Variants in GALNT13 observed in about 807,000 individuals in gnomAD.
The protein encoded by GALNT13 is UDP-GalNAc:polypeptide N-acetylgalactosaminyltransferase 13.
Under a neutral mutation model 64.2 loss-of-function variants are expected in GALNT13, and 28 were observed. The ratio of observed to expected loss-of-function variants is 0.44; its 90% CI spans 0.32 to 0.60. GALNT13 has a LOEUF of 0.60. Ranked by LOEUF, GALNT13 falls within the 20% of genes least tolerant of loss-of-function variation. GALNT13 has a pLI of 0.05. For synonymous variants in GALNT13, 214 were observed against 224.6 expected, an observed-to-expected ratio of 0.95 and a Z score of 0.42; for missense variants, 577 against 669.8, an observed-to-expected ratio of 0.86 and a Z score of 1.53.
chr2:154,428,517 A>T (rs1324625787), intron 11 of GALNT13, among the ~76,000 whole-genome samples: 1 of 152,236 alleles, frequency 6.6e-6, no homozygotes, highest in Non-Finnish European at 1.5e-5. Context: ...ACCTTAATAA[A>T]AATAAAACAA....
intron 3 of GALNT13, among the ~76,000 whole-genome samples, chr2:154,080,943 GT>G (rs1296161223): frequency 6.6e-6 from 1 of 151,402 alleles, no homozygotes; most frequent in African/African-American, 2.4e-5. Context: ...TTAAAGTTTA[GT>G]TTTTTGTGTT....
At chr2:153,354,746 T>C in the GALNT13 span, among the ~76,000 whole-genome samples, 2 of 152,150 alleles carry the variant, frequency 1.3e-5, no homozygotes, top group Non-Finnish European at 2.9e-5. Context: ...GTAAACCCAG[T>C]TAATCACTAA....
intron 3 of GALNT13, among the ~76,000 whole-genome samples, chr2:154,080,601 A>G (rs1985189): frequency 0.55 from 82,443 of 151,228 alleles, 23,537 homozygotes; most frequent in East Asian, 0.84. Context: ...TGATTTCTAA[A>G]TTGCCACCCT....
the GALNT13 span, among the ~76,000 whole-genome samples, chr2:153,309,097 A>C: frequency 6.6e-6 from 1 of 152,148 alleles, no homozygotes; most frequent in African/African-American, 2.4e-5. Context: ...ATCATCTCTA[A>C]ATAAAACTGA....
chr2:154,361,416 CA>C (rs1697061388), intron 9 of GALNT13, among the ~76,000 whole-genome samples: 1 of 152,004 alleles, frequency 6.6e-6, no homozygotes, highest in Non-Finnish European at 1.5e-5. Flanking sequence ...TTCTTTCAGC[CA>C]AAACCTTTTG....
At chr2:154,339,114 G>T (rs1330155984) in intron 9 of GALNT13, among the ~76,000 whole-genome samples, 1 of 152,060 alleles carries the variant, frequency 6.6e-6, no homozygotes, top group Non-Finnish European at 1.5e-5. Flanking sequence ...ATTCAATCAT[G>T]GGCAAAATCA....
chr2:153,347,678 G>C, the GALNT13 span, among the ~76,000 whole-genome samples: 1 of 152,132 alleles, frequency 6.6e-6, no homozygotes, highest in Non-Finnish European at 1.5e-5. Context: ...GGAAATAGGA[G>C]TCATACATGT....
At chr2:153,133,683 T>A in the GALNT13 span, among the ~76,000 whole-genome samples, 1 of 152,174 alleles carries the variant, frequency 6.6e-6, no homozygotes, top group African/African-American at 2.4e-5. Context: ...TTAATTGTTC[T>A]CTATAATTTA....
At chr2:153,909,675 A>T (rs145788866) in intron 2 of GALNT13, among the ~76,000 whole-genome samples, 1 of 152,128 alleles carries the variant, frequency 6.6e-6, no homozygotes, top group South Asian at 2.1e-4. Flanking sequence ...TTCAGCTTCT[A>T]TTGCAATAAA....
chr2:153,534,088 C>T, the GALNT13 span, among the ~76,000 whole-genome samples: 1 of 151,926 alleles, frequency 6.6e-6, no homozygotes, highest in Non-Finnish European at 1.5e-5. Context: ...TTGCATGCTG[C>T]CTACTTTATC....
At chr2:154,361,704 G>A (rs1055786825) in intron 9 of GALNT13, among the ~76,000 whole-genome samples, 1 of 152,034 alleles carries the variant, frequency 6.6e-6, no homozygotes, top group African/African-American at 2.4e-5. Flanking sequence ...ATTCCATACT[G>A]ATTAGTAAAA....
the GALNT13 span, among the ~76,000 whole-genome samples, chr2:153,165,236 G>T: frequency 2.0e-5 from 3 of 152,192 alleles, no homozygotes; most frequent in Admixed American, 2.0e-4. Context: ...TAAAACTGTG[G>T]TGAAAGATAA....
chr2:154,146,766 C>T (rs58769553), intron 4 of GALNT13, among the ~76,000 whole-genome samples: 1,910 of 151,808 alleles, frequency 0.013, 45 homozygotes, highest in African/African-American at 0.042. Flanking sequence ...CACTAAATAA[C>T]CTTTATTATC....
intron 9 of GALNT13, among the ~76,000 whole-genome samples, chr2:154,395,032 C>A (rs1698992209): frequency 6.6e-6 from 1 of 152,148 alleles, no homozygotes; most frequent in East Asian, 1.9e-4. Context: ...TTTTAGACAA[C>A]AATTGGCTGG....
chr2:153,846,800 G>A, the GALNT13 span, among the ~76,000 whole-genome samples: 2 of 152,064 alleles, frequency 1.3e-5, no homozygotes, highest in Admixed American at 1.3e-4. Context: ...AGGGTATGAA[G>A]GAAGACAATT....
chr2:153,557,510 C>T, the GALNT13 span, among the ~76,000 whole-genome samples: 1 of 152,188 alleles, frequency 6.6e-6, no homozygotes, highest in Non-Finnish European at 1.5e-5. Flanking sequence ...CTGAACACAT[C>T]TCAACCTTCT....
At chr2:153,111,633 A>G in the GALNT13 span, among the ~76,000 whole-genome samples, 1 of 152,148 alleles carries the variant, frequency 6.6e-6, no homozygotes, top group African/African-American at 2.4e-5. Context: ...ATTTGGGTAC[A>G]GTCTAGGTAA....
chr2:153,159,002 C>A, the GALNT13 span: 1 of 164,642 alleles, frequency 6.1e-6, no homozygotes, highest in African/African-American at 2.4e-5. Context: ...AGGCAGCCCT[C>A]CCCAGTCCAG....
the GALNT13 span, among the ~76,000 whole-genome samples, chr2:153,575,380 T>C: frequency 4.9e-4 from 74 of 152,286 alleles, 1 homozygote; most frequent in African/African-American, 1.8e-3. Flanking sequence ...GACTACTACC[T>C]ATGTTTGCTC....
Sources: allele counts gnomAD v4.1 joint callset (sites outside exome capture counted in the v4.1 genomes callset), GRCh38; gene constraint gnomAD v4.1.1; transcripts MANE v1.5; gene names NCBI Gene and HGNC (gene_info 2026-07-23, HGNC 2026-07-21).